The following MINAR1 variants were observed in gnomAD, a reference collection of about 807,000 sequenced individuals.
MINAR1 encodes membrane integral NOTCH2 associated receptor 1.
Under a neutral mutation model 65.1 loss-of-function variants are expected in MINAR1, and 40 were observed. The observed-to-expected ratio is 0.61, with a 90% CI of 0.48 to 0.80. The LOEUF (loss-of-function observed/expected upper bound fraction) is 0.80. MINAR1 is among the 30% of genes least tolerant of loss of function. MINAR1 has a pLI of 0.00. For missense variants in MINAR1, 1,128 were observed against 1,148.0 expected, an observed-to-expected ratio of 0.98 and a Z score of 0.25; for synonymous variants, 482 against 449.1, an observed-to-expected ratio of 1.07 and a Z score of -0.93.
chr15:79,433,716 C>T (rs911959020), intron 1 of MINAR1, among the ~76,000 whole-genome samples: 1 of 152,216 alleles, frequency 6.6e-6, no homozygotes, highest in African/African-American at 2.4e-5. Flanking sequence ...ACTGCTACCT[C>T]TCTCTGATGG....
rs539538757 is a variant in MINAR1 at position 79,434,084 on chromosome 15, T to C, written c.-51+1544T>C. The stretch of plus-strand genomic sequence containing the variant: ...TCTGATAAATAAAGTCTGATTTTTA[T>C]TGTGTGTGTCTGAGAGACTTGCATA... On this transcript the variant is annotated intron_variant, in intron 1 of 3. Coordinates refer to ENST00000305428, the MANE Select transcript of MINAR1 (RefSeq NM_015206.3). Among the ~76,000 whole-genome samples the C allele has an allele frequency of 1.2e-3, 177 of 152,318 alleles. 1 individual carries two copies. Among genetic ancestry groups the C allele is most frequent in the African/African-American group, 3.6e-3 (150 of 41,578 alleles).
At chr15:79,444,598 A>G (rs1415770362) in intron 1 of MINAR1, among the ~76,000 whole-genome samples, 1 of 152,020 alleles carries the variant, frequency 6.6e-6, no homozygotes, top group African/African-American at 2.4e-5. Context: ...AGCTTTAACT[A>G]TAGTTTATAG....
intron 1 of MINAR1, among the ~76,000 whole-genome samples, chr15:79,448,383 T>G (rs1343783940): frequency 2.6e-5 from 4 of 152,198 alleles, no homozygotes; most frequent in Non-Finnish European, 4.4e-5. Flanking sequence ...CCCCCTTAAG[T>G]TTGAAATTTT....
Position 79,442,592 on chromosome 15 carries a change from GAAA to G in MINAR1, c.-51+10068_-51+10070del, listed in dbSNP as rs35688303. Among the ~76,000 whole-genome samples the G allele has an allele frequency of 2.8e-3, 346 of 122,734 alleles. 2 individuals carry two copies. The highest frequency in any genetic ancestry group is 8.3e-3 in the African/African-American group (290 of 34,854). The allele number at this position is 122,734 out of a possible 152,430, so 80.5% of individuals were successfully genotyped here. A position where few individuals can be genotyped will look rare whatever the true frequency, so the allele number is the denominator to read the frequency against. On this transcript the variant is annotated intron_variant, in intron 1 of 3. Transcript: ENST00000305428. ...ATGCATGGCCTTGCCCCATAAAAAT[GAAA>G]AAAAAAAAAAAAAAACTTCCAACAA... is the stretch of plus-strand genomic sequence containing the variant.
At position 79,456,971 on chromosome 15, in the gene MINAR1, T is replaced by C. The variant is rs1326223216; in HGVS notation, c.824T>C (p.Val275Ala). ...TTGATGGCAGTGTCCCCCAGTTTGG[T>C]TGGCCCCATCAGCAAAGCAGAGAAT... ...HNLMAVSPSL[V>A]GPISKAENEH... The change falls in exon 2 of 4, where the codon GTT becomes GCT. Residue 275 changes from valine (V) to alanine (A), a missense_variant. Val to Ala is a moderately conservative substitution (Grantham distance 64). Coordinates refer to ENST00000305428, the MANE Select transcript of MINAR1 (RefSeq NM_015206.3). 1 of 1,614,150 alleles carries C rather than the reference T, an allele frequency of 6.2e-7. No individual in the cohort carries two copies. The highest frequency in any genetic ancestry group is 1.6e-4 in the Middle Eastern group (1 of 6,062).
the MINAR1 span, chr15:79,425,071 AC>A: frequency 6.6e-6 from 1 of 150,722 alleles, no homozygotes; most frequent in African/African-American, 2.4e-5. Context: ...ACAGAGTCTC[AC>A]TCTATCGTCC....
Position 79,463,136 on chromosome 15 carries a change from GAGC to G in MINAR1, c.2371_2373del (p.Gln791del). 1 of 1,614,192 alleles carries G rather than the reference GAGC, an allele frequency of 6.2e-7. No individual in the cohort carries two copies. The highest frequency in any genetic ancestry group is 8.5e-7 in the Non-Finnish European group (1 of 1,180,048). ...GCAGCCCAAAGATGGCTTCCTGGTGGAGCAGGTGTTCAGCCCTCACCCCTACCC... is the reference window on the plus strand; with the variant it reads ...GCAGCCCAAAGATGGCTTCCTGGTGGAGGTGTTCAGCCCTCACCCCTACCC... On this transcript the variant is annotated inframe_deletion, in exon 3 of 4. Coordinates refer to ENST00000305428, the MANE Select transcript of MINAR1 (RefSeq NM_015206.3).
chr15:79,435,871 G>A (rs1037813116), intron 1 of MINAR1, among the ~76,000 whole-genome samples: 2 of 152,214 alleles, frequency 1.3e-5, no homozygotes, highest in African/African-American at 4.8e-5. Flanking sequence ...GCATATATAT[G>A]GTGGCTATTA....
Position 79,463,053 on chromosome 15 carries a change from G to A in MINAR1, c.2299-14G>A. 3 of 1,602,930 alleles carry A rather than the reference G, an allele frequency of 1.9e-6. No homozygotes were observed. Among genetic ancestry groups the A allele is most frequent in the Non-Finnish European group, 1.7e-6 (2 of 1,171,730 alleles). The stretch of plus-strand genomic sequence containing the variant: ...CTGTGCCACTTGTCTGGACTTCTTT[G>A]TGCCCCTCTGCAGGCAGACAGGCAG... On this transcript the variant is annotated splice_polypyrimidine_tract_variant and intron_variant, in intron 2 of 3. Transcript: ENST00000305428.
In MINAR1 at chr15:79,463,192, C is replaced by T. The variant is rs962280020; in HGVS notation, c.2424C>T (p.Ser808=). ...CCTCCCTCAAGGCCCACATGAAGAGCAACCCCCTGTACACAGACATGCGGC... is the reference window on the plus strand; with the variant it reads ...CCTCCCTCAAGGCCCACATGAAGAGTAACCCCCTGTACACAGACATGCGGC... ...YPASLKAHMK[S]NPLYTDMRLT... Residue 808 remains serine, a synonymous_variant, in exon 3 of 4, where the codon AGC becomes AGT. Coordinates refer to ENST00000305428, the MANE Select transcript of MINAR1 (RefSeq NM_015206.3). 6.2e-7 allele frequency: 1 copy of T among 1,614,248 alleles called. No individual in the cohort carries two copies. The highest frequency in any genetic ancestry group is 1.7e-5 in the Admixed American group (1 of 60,038).
intron 1 of MINAR1, among the ~76,000 whole-genome samples, chr15:79,444,982 A>C (rs758724452): frequency 6.6e-6 from 1 of 151,900 alleles, no homozygotes; most frequent in Non-Finnish European, 1.5e-5. Context: ...ATATGTTAAA[A>C]TCTCTATGCA....
the MINAR1 span, chr15:79,420,243 G>A: frequency 6.6e-6 from 1 of 152,128 alleles, no homozygotes; most frequent in Non-Finnish European, 1.5e-5. Context: ...ATTCTACAGG[G>A]AGAACTTAAT....
intron 1 of MINAR1, among the ~76,000 whole-genome samples, chr15:79,435,470 TG>T (rs1246881791): frequency 6.6e-6 from 1 of 152,194 alleles, no homozygotes; most frequent in Non-Finnish European, 1.5e-5. Flanking sequence ...TGAAATGTTG[TG>T]GTCACCTAGC....
intron 2 of MINAR1, among the ~76,000 whole-genome samples, chr15:79,462,156 A>G (rs1363217250): frequency 6.6e-6 from 1 of 152,068 alleles, no homozygotes; most frequent in East Asian, 1.9e-4. Context: ...ACTTGGTGGT[A>G]TTACGTTGCT....
At chr15:79,430,792 G>C (rs1357035008), upstream of MINAR1, among the ~76,000 whole-genome samples, 1 of 152,160 alleles carries the variant, frequency 6.6e-6, no homozygotes, top group African/African-American at 2.4e-5. Context: ...GAGGAGCTCT[G>C]GGAAAATCTA....
chr15:79,458,187 C>T lies in MINAR1; in HGVS notation c.2040C>T (p.Asp680=), dbSNP rs776303705. The stretch of plus-strand genomic sequence containing the variant: ...GACCCAAACTAGAGAACAACCCTGA[C>T]TGGTGCTGCTCTGATGCTAGCGGGA... ...SHGPKLENNP[D]WCCSDASGSN... Residue 680 remains aspartate, a synonymous_variant, in exon 2 of 4, where the codon GAC becomes GAT. Coordinates refer to ENST00000305428, the MANE Select transcript of MINAR1 (RefSeq NM_015206.3). 7.4e-6 allele frequency: 12 copies of T among 1,614,050 alleles called. No homozygotes were observed. Among genetic ancestry groups the T allele is most frequent in the Admixed American group, 6.7e-5 (4 of 59,998 alleles).
At chr15:79,423,421 T>C in the MINAR1 span, 2 of 152,220 alleles carry the variant, frequency 1.3e-5, no homozygotes, top group Non-Finnish European at 2.9e-5. Context: ...ACTAGCTGGT[T>C]TCTTTTGAGT....
At chr15:79,446,851 C>T (rs1176770087) in intron 1 of MINAR1, among the ~76,000 whole-genome samples, 2 of 152,096 alleles carry the variant, frequency 1.3e-5, no homozygotes, top group Admixed American at 6.6e-5. Flanking sequence ...GCTCATGTCT[C>T]TTAAGCTTGA....
At chr15:79,455,690 C>T (rs144442817) in intron 1 of MINAR1, among the ~76,000 whole-genome samples, 71 of 152,300 alleles carry the variant, frequency 4.7e-4, no homozygotes, top group African/African-American at 1.6e-3. Context: ...GATTCATCCA[C>T]GTCCTTGCAT....
Sources: gnomAD v4.1 joint callset for allele counts (sites outside exome capture counted in the v4.1 genomes callset) on GRCh38, gnomAD v4.1.1 for gene constraint, MANE v1.5 for transcripts, NCBI Gene and HGNC (gene_info 2026-07-23, HGNC 2026-07-21) for gene names.